NEK3: variants seen among roughly 807,000 people sequenced by gnomAD.
NEK3 encodes the protein serine/threonine-protein kinase Nek3.
Under a neutral mutation model 66.0 loss-of-function variants are expected in NEK3, and 54 were observed. The ratio of observed to expected loss-of-function variants is 0.82; its 90% confidence interval spans 0.66 to 1.03. The LOEUF (loss-of-function observed/expected upper bound fraction) is 1.03, where lower values mean the gene tolerates loss of function less well. Among genes scored for constraint, NEK3 ranks in the 50% least tolerant of loss-of-function variants. NEK3 has a pLI of 0.00. For synonymous variants in NEK3, 200 were observed against 206.2 expected (o/e 0.97, Z 0.26); for missense variants, 593 against 603.0 (o/e 0.98, Z 0.17).
intron 2 of NEK3, 37 bp from the exon 3 acceptor site, chr13:52,154,210 T>C: frequency 1.0e-5 from 13 of 1,281,998 alleles, no homozygotes; most frequent in Non-Finnish European, 1.4e-5. Flanking sequence ...AACTTAATAC[T>C]GCATTTTAAA....
At chr13:52,136,290 A>G (rs1043923942) in intron 12 of NEK3, 31 bp from the exon 13 acceptor site, 3 of 1,610,978 alleles carry the variant, frequency 1.9e-6, no homozygotes, top group Middle Eastern at 1.7e-4. Flanking sequence ...AGGAATGCCA[A>G]GCATGTGAAA....
rs1252435478 is a variant in NEK3 at position 52,151,346 on chromosome 13, C to G, written c.440G>C (p.Gly147Ala). 3 of 1,597,402 alleles carry G rather than the reference C, an allele frequency of 1.9e-6. No individual in the cohort carries two copies. The highest frequency in any genetic ancestry group is 2.7e-5 in the African/African-American group (2 of 74,822). The change falls in exon 6 of 16, where the codon GGA (glycine) becomes GCA (alanine). Residue 147 changes from glycine (G) to alanine (A), a missense_variant. Physicochemically the swap from Gly to Ala is moderately conservative, Grantham distance 60. Transcript: ENST00000610828. ...QNGKVKLGDF[G>A]SARLLSNPMA... The stretch of plus-strand genomic sequence containing the variant: ...ATACTTGGAGAGAAGACGGGCAGAT[C>G]CAAAGTCTCCCAATTTCACTTTTCC...
At position 52,153,662 on chromosome 13, in the gene NEK3, C is replaced by T. The variant is rs140869622; in HGVS notation, c.309+233G>A. ...GATACGATCTTGAAATTATTCTAAA[C>T]ATGAAAGTTTTATTTCATAATAATT... is the stretch of plus-strand genomic sequence containing the variant. On this transcript the variant is annotated intron_variant, in intron 4 of 15. Transcript: ENST00000610828. 2.4e-4 allele frequency among the ~76,000 whole-genome samples: 37 copies of T among 152,206 alleles called. No homozygotes were observed. In the East Asian group the frequency reaches 6.2e-3, roughly 25 times the overall value.
Position 52,157,696 on chromosome 13 carries a change from G to A in NEK3, c.-57-1448C>T, listed in dbSNP as rs936799893. Among the ~76,000 whole-genome samples, 7 of 152,264 alleles carry A rather than the reference G, an allele frequency of 4.6e-5. 1 individual carries two copies. Among genetic ancestry groups the A allele is most frequent in the Admixed American group, 3.3e-4 (5 of 15,298 alleles). Reference sequence around the variant, plus strand: ...ATATTTCCAGGATGAAGCAGCTAGCGGGACTGCTTAGCACATAAGAGAAAA... The same window carrying A: ...ATATTTCCAGGATGAAGCAGCTAGCAGGACTGCTTAGCACATAAGAGAAAA... On this transcript the variant is annotated intron_variant, in intron 1 of 15. Coordinates refer to ENST00000610828, the MANE Select transcript of NEK3 (RefSeq NM_002498.3).
intron 4 of NEK3, among the ~76,000 whole-genome samples, 192 bp downstream of exon 4, chr13:52,153,703 T>C (rs564377379): frequency 6.6e-6 from 1 of 152,296 alleles, no homozygotes; most frequent in South Asian, 2.1e-4. Context: ...CCTATAGATT[T>C]TACTTCCTAA....
chr13:52,141,171 T>A, intron 10 of NEK3, 102 bp from the exon 11 acceptor site: 2 of 1,013,438 alleles, frequency 2.0e-6, no homozygotes, highest in East Asian at 5.6e-5. Flanking sequence ...TGAGTGAGGT[T>A]ATTAAAGTCA....
intron 11 of NEK3, among the ~76,000 whole-genome samples, chr13:52,140,481 G>A (rs990698721): frequency 1.3e-5 from 2 of 151,976 alleles, no homozygotes; most frequent in African/African-American, 4.8e-5. Flanking sequence ...GGTAGCGGGT[G>A]CCTGCAGTCC....
At chr13:52,142,121 A>C (rs1013058366) in intron 10 of NEK3, among the ~76,000 whole-genome samples, 1 of 151,772 alleles carries the variant, frequency 6.6e-6, no homozygotes, top group South Asian at 2.1e-4. Context: ...TTTAAAAAAA[A>C]CCCTACATTC....
Position 52,136,112 on chromosome 13 carries a change from T to C in NEK3, c.1174+4A>G. Reference sequence around the variant, plus strand: ...AAATAATAGTATTCAATCTGACTACTAACCTCTATCGTCCTCTGCTGTTAA... The same window carrying C: ...AAATAATAGTATTCAATCTGACTACCAACCTCTATCGTCCTCTGCTGTTAA... On this transcript the variant is annotated splice_donor_region_variant and intron_variant, in intron 13 of 15. Transcript: ENST00000610828. 1 of 1,613,600 alleles carries C rather than the reference T, an allele frequency of 6.2e-7. No individual in the cohort carries two copies.
chr13:52,147,310 G>A (rs1956302755), intron 8 of NEK3, among the ~76,000 whole-genome samples: 1 of 151,844 alleles, frequency 6.6e-6, no homozygotes, highest in Non-Finnish European at 1.5e-5. Context: ...GACTCTAACA[G>A]ATACTTGTAC....
intron 8 of NEK3, among the ~76,000 whole-genome samples, chr13:52,147,038 G>A (rs1956300476): frequency 6.6e-6 from 1 of 152,122 alleles, no homozygotes; most frequent in African/African-American, 2.4e-5. Context: ...GGCTGAACAA[G>A]CGGGACAAGT....
intron 1 of NEK3, 145 bp downstream of exon 1, chr13:52,159,398 A>C (rs1277247139): frequency 6.6e-6 from 1 of 152,376 alleles, no homozygotes; most frequent in Non-Finnish European, 1.5e-5. Context: ...GTTTGCGGCG[A>C]GTGGTCCAGA....
At chr13:52,150,693 A>G (rs1956336910) in intron 7 of NEK3, among the ~76,000 whole-genome samples, 1 of 152,196 alleles carries the variant, frequency 6.6e-6, no homozygotes, top group African/African-American at 2.4e-5. Context: ...ATACCAACTC[A>G]ATGACACAAT....
At chr13:52,142,974 T>C (rs1428845607) in intron 10 of NEK3, among the ~76,000 whole-genome samples, 2 of 152,250 alleles carry the variant, frequency 1.3e-5, no homozygotes, top group Non-Finnish European at 2.9e-5. Context: ...GAAAATTTCA[T>C]GTAGCTATTA....
chr13:52,152,066 C>T (rs1330690508), intron 5 of NEK3, among the ~76,000 whole-genome samples: 1 of 152,170 alleles, frequency 6.6e-6, no homozygotes, highest in African/African-American at 2.4e-5. Flanking sequence ...TTTCTGAGTA[C>T]TTATCCCCCT....
intron 8 of NEK3, among the ~76,000 whole-genome samples, chr13:52,145,858 G>C (rs1334888198): frequency 6.6e-6 from 1 of 152,148 alleles, no homozygotes; most frequent in Non-Finnish European, 1.5e-5. Context: ...ACCTACATGA[G>C]GGGTTGGTAG....
chr13:52,147,826 T>C (rs1486038877), intron 8 of NEK3, among the ~76,000 whole-genome samples: 2 of 152,076 alleles, frequency 1.3e-5, no homozygotes, highest in Admixed American at 6.6e-5. Context: ...AAAATGTCTC[T>C]AGTAAAAATA....
chr13:52,133,139 G>A lies in NEK3; in HGVS notation c.*3C>T, dbSNP rs1262930993. ...GCGTGACTCAGGAACATTTCCTCAG[G>A]CATTATCTGTCGCACAGGCCTTGCC... On this transcript the variant is annotated 3_prime_UTR_variant, in exon 16 of 16. Transcript: ENST00000610828. The A allele has an allele frequency of 2.5e-6, 4 of 1,606,598 alleles. No homozygotes were observed. The highest frequency in any genetic ancestry group is 3.4e-6 in the Non-Finnish European group (4 of 1,176,410).
In NEK3 at chr13:52,144,840, T is replaced by A; in HGVS notation, c.655A>T (p.Ile219Phe). ...GAGTAATGAGACGGCAGTGGACTGA[T>A]GCACCCTTGACATACTTTGAGGATA... ...NLILKVCQGCISPLPSHYSYE... is the reference protein window; with the variant it reads ...NLILKVCQGCFSPLPSHYSYE... The change falls in exon 9 of 16, where the codon ATC becomes TTC. Residue 219 changes from isoleucine to phenylalanine, a missense_variant. Physicochemically the swap from Ile to Phe is conservative, Grantham distance 21 (BLOSUM62 0). Transcript: ENST00000610828. 1 of 1,612,892 alleles carries A rather than the reference T, an allele frequency of 6.2e-7. No individual in the cohort carries two copies. Among genetic ancestry groups the A allele is most frequent in the Non-Finnish European group, 8.5e-7 (1 of 1,179,350 alleles).
Sources: gnomAD v4.1 joint callset for allele counts (sites outside exome capture counted in the v4.1 genomes callset) on GRCh38, gnomAD v4.1.1 for gene constraint, MANE v1.5 for transcripts, NCBI Gene and HGNC (gene_info 2026-07-23, HGNC 2026-07-21) for gene names.